The following PRH1 variants were observed in gnomAD, a reference collection of about 807,000 sequenced individuals.
PRH1 encodes the protein salivary acidic proline-rich phosphoprotein 1/2.
A neutral mutation model predicts 7.9 loss-of-function variants in PRH1; 7 were observed. The observed-to-expected ratio is 0.89, with a 90% confidence interval of 0.50 to 1.67. PRH1 has a LOEUF of 1.67. Among genes scored for constraint, PRH1 ranks in the 40% most tolerant of loss-of-function variants. The pLI, the probability that PRH1 is intolerant of heterozygous loss-of-function variation, is 0.00. For synonymous variants in PRH1, 45 were observed against 80.8 expected (o/e 0.56, Z 2.38); for missense variants, 109 against 223.6 (o/e 0.49, Z 3.27).
chr12:10,928,281 C>CTTGAACAGGCATTACAA (rs1950151629), intron 2 of PRH1, among the ~76,000 whole-genome samples: 1 of 152,152 alleles, frequency 6.6e-6, no homozygotes, highest in Non-Finnish European at 1.5e-5. Flanking sequence ...CCAATCAAGG[C>CTTGAACAGGCATTACAA]ATTTGAGGCT....
chr12:10,914,206 AT>A (rs1435402792), intron 2 of PRH1, among the ~76,000 whole-genome samples: 7 of 152,242 alleles, frequency 4.6e-5, no homozygotes, highest in African/African-American at 9.6e-5. Flanking sequence ...TAGAAAAAAA[AT>A]ATAATTGAAT....
intron 1 of PRH1, among the ~76,000 whole-genome samples, chr12:11,109,328 G>C (rs113903003): frequency 0.015 from 2,328 of 152,338 alleles, 19 homozygotes; most frequent in South Asian, 0.031. Context: ...CTAAAGGACA[G>C]AGTGCCTCCT....
chr12:10,930,850 C>T, intron 2 of PRH1: 1 of 1,613,608 alleles, frequency 6.2e-7, no homozygotes, highest in Non-Finnish European at 8.5e-7. Context: ...ACCACCCCAA[C>T]AGGGAGGCCA....
At chr12:10,922,760 T>G (rs1223112944) in intron 2 of PRH1, among the ~76,000 whole-genome samples, 2 of 151,890 alleles carry the variant, frequency 1.3e-5, no homozygotes, top group African/African-American at 4.8e-5. Context: ...GCTTTATCTA[T>G]TTACGTAATG....
intron 2 of PRH1, among the ~76,000 whole-genome samples, chr12:10,903,539 G>A (rs1203717888): frequency 6.6e-6 from 1 of 151,702 alleles, no homozygotes; most frequent in Non-Finnish European, 1.5e-5. Context: ...AAAATAATAA[G>A]AGCCATCTAT....
intron 1 of PRH1, among the ~76,000 whole-genome samples, chr12:11,056,111 C>T (rs1378986731): frequency 1.3e-5 from 2 of 149,924 alleles, no homozygotes; most frequent in African/African-American, 4.9e-5. Flanking sequence ...CTTTTCAGTG[C>T]ATTTTCAATC....
intron 1 of PRH1, among the ~76,000 whole-genome samples, chr12:11,102,092 A>G (rs1458875204): frequency 2.0e-5 from 3 of 152,214 alleles, no homozygotes; most frequent in South Asian, 2.1e-4. Flanking sequence ...GGAAGAATCA[A>G]TATCATGAAA....
chr12:11,151,938 TA>T (rs1000488562), intron 1 of PRH1, among the ~76,000 whole-genome samples: 6 of 116,498 alleles, frequency 5.2e-5, no homozygotes, highest in Non-Finnish European at 1.2e-4. Flanking sequence ...TGGTATGTCA[TA>T]TTTTTTTTTT....
chr12:10,887,836 T>A (rs143584767), upstream of PRH1, among the ~76,000 whole-genome samples: 205 of 152,350 alleles, frequency 1.3e-3, no homozygotes, highest in African/African-American at 4.5e-3. Flanking sequence ...ATGTTGTCGA[T>A]GTTGTTTTCA....
intron 2 of PRH1, among the ~76,000 whole-genome samples, chr12:10,910,421 AG>A: frequency 6.6e-6 from 1 of 152,356 alleles, no homozygotes; most frequent in Non-Finnish European, 1.5e-5. Flanking sequence ...CAAAAGTTTG[AG>A]ACCGGCCTGG....
chr12:11,007,432 GAAT>G lies in PRH1; in HGVS notation c.-125-33714_-125-33712del, dbSNP rs777927848. On this transcript the variant is annotated intron_variant, in intron 1 of 3. Transcript: ENST00000539853. The stretch of plus-strand genomic sequence containing the variant: ...TTTCCCACTCAGGGTTTTCAGACCA[GAAT>G]AATATTTATCAAACATATTTCTCAT... 4.6e-5 allele frequency among the ~76,000 whole-genome samples: 7 copies of G among 152,230 alleles called. No individual in the cohort carries two copies. In the East Asian group the frequency reaches 1.4e-3, roughly 29 times the overall value.
intron 1 of PRH1, among the ~76,000 whole-genome samples, chr12:11,088,206 T>C (rs1177229729): frequency 2.3e-5 from 3 of 128,418 alleles, no homozygotes; most frequent in African/African-American, 8.3e-5. Flanking sequence ...CCAGGCGTGA[T>C]GTTGTGCCCC....
chr12:11,064,910 C>G (rs2136189947), intron 1 of PRH1, among the ~76,000 whole-genome samples: 1 of 152,050 alleles, frequency 6.6e-6, no homozygotes, highest in South Asian at 2.1e-4. Context: ...ATGAAAAAGC[C>G]AGGCATAAGG....
At chr12:10,909,349 A>T (rs1949861160) in intron 2 of PRH1, 1 of 1,321,326 alleles carries the variant, frequency 7.6e-7, no homozygotes, top group African/African-American at 1.5e-5. Context: ...TTATTCACTG[A>T]TCTAAAATGC....
intron 1 of PRH1, chr12:11,061,488 G>A (rs757249666): frequency 1.3e-5 from 21 of 1,614,014 alleles, no homozygotes; most frequent in Non-Finnish European, 1.6e-5. Flanking sequence ...AAGGATAGCT[G>A]AATGCAATAG....
At chr12:10,932,527 A>G (rs1211996126) in intron 2 of PRH1, among the ~76,000 whole-genome samples, 2 of 152,098 alleles carry the variant, frequency 1.3e-5, no homozygotes, top group Non-Finnish European at 2.9e-5. Flanking sequence ...AAATTGCACA[A>G]TTATTTTCAG....
chr12:11,126,438 T>C (rs1416952558), intron 1 of PRH1, among the ~76,000 whole-genome samples: 1 of 151,940 alleles, frequency 6.6e-6, no homozygotes. Flanking sequence ...ACATTCTTTA[T>C]AAACGTCTCT....
At chr12:11,131,760 T>C (rs1278786472) in intron 1 of PRH1, among the ~76,000 whole-genome samples, 1 of 152,214 alleles carries the variant, frequency 6.6e-6, no homozygotes. Context: ...TGAGGAAGGA[T>C]TCTGCTTGGA....
At chr12:10,927,750 C>T (rs542760841) in intron 2 of PRH1, among the ~76,000 whole-genome samples, 10 of 152,240 alleles carry the variant, frequency 6.6e-5, no homozygotes, top group Non-Finnish European at 1.3e-4. Context: ...GCCTCTCAGC[C>T]ATGCCTCCAA....
Sources: allele counts gnomAD v4.1 joint callset (sites outside exome capture counted in the v4.1 genomes callset), GRCh38; gene constraint gnomAD v4.1.1; transcripts MANE v1.5; gene names NCBI Gene and HGNC (gene_info 2026-07-23, HGNC 2026-07-21).